The following AKAP19 variants were observed in gnomAD, a reference collection of about 807,000 sequenced individuals.
AKAP19 encodes small A-kinase anchoring protein.
chr2:190,081,692 C>T, the AKAP19 span, among the ~76,000 whole-genome samples: 2 of 152,096 alleles, frequency 1.3e-5, no homozygotes, highest in African/African-American at 2.4e-5. Context: ...GATGGAAGGG[C>T]GAGATGCCTG....
At chr2:190,181,516 G>C in the AKAP19 span, 1 of 152,212 alleles carries the variant, frequency 6.6e-6, no homozygotes, top group Non-Finnish European at 1.5e-5. Context: ...CTTTGGAGCT[G>C]TGGGAGGCTG....
At chr2:190,163,049 A>G in the AKAP19 span, among the ~76,000 whole-genome samples, 1 of 152,316 alleles carries the variant, frequency 6.6e-6, no homozygotes, top group East Asian at 1.9e-4. Flanking sequence ...GATCATCTTG[A>G]TGTAAACATT....
the AKAP19 span, among the ~76,000 whole-genome samples, chr2:190,047,049 C>T: frequency 6.6e-6 from 1 of 152,158 alleles, no homozygotes; most frequent in Non-Finnish European, 1.5e-5. Context: ...TTACTCCCTC[C>T]TTAACATGTT....
At chr2:189,974,648 C>A in the AKAP19 span, among the ~76,000 whole-genome samples, 1 of 152,138 alleles carries the variant, frequency 6.6e-6, no homozygotes, top group Non-Finnish European at 1.5e-5. Context: ...TAAGGACTTG[C>A]TTTATGAATC....
the AKAP19 span, chr2:190,201,832 T>C: frequency 3.6e-5 from 6 of 167,140 alleles, no homozygotes; most frequent in South Asian, 1.0e-3. Context: ...GGCAGAAAGT[T>C]TCCCATAAGT....
the AKAP19 span, among the ~76,000 whole-genome samples, chr2:190,069,168 G>GTGTGTGTGTC: frequency 6.9e-6 from 1 of 145,260 alleles, no homozygotes; most frequent in East Asian, 2.0e-4. Context: ...GTGTGTGTGT[G>GTGTGTGTGTC]TGTGTGTGAG....
the AKAP19 span, among the ~76,000 whole-genome samples, chr2:190,114,173 C>A: frequency 2.0e-5 from 3 of 152,148 alleles, no homozygotes. Context: ...TATCCATATA[C>A]CCCAAGTTCC....
At chr2:190,176,322 G>A in the AKAP19 span, among the ~76,000 whole-genome samples, 1 of 152,102 alleles carries the variant, frequency 6.6e-6, no homozygotes, top group African/African-American at 2.4e-5. This position sits in a 1 kb window ranked among gnomAD's most constrained non-coding sequence, Gnocchi z 4.7. Context: ...AATAGTTCAG[G>A]AAAAGTTTCA....
the AKAP19 span, among the ~76,000 whole-genome samples, chr2:190,194,194 C>T: frequency 1.3e-4 from 20 of 152,112 alleles, no homozygotes; most frequent in Non-Finnish European, 2.6e-4. Flanking sequence ...GTTCCATATG[C>T]ACTTGATAAG....
chr2:189,930,405 C>A, the AKAP19 span: 1 of 301,092 alleles, frequency 3.3e-6, no homozygotes, highest in East Asian at 9.5e-5. Flanking sequence ...GGGCTGGGCG[C>A]GGTGGCTTCA....
the AKAP19 span, among the ~76,000 whole-genome samples, chr2:190,059,642 G>A: frequency 6.6e-6 from 1 of 151,790 alleles, no homozygotes; most frequent in Non-Finnish European, 1.5e-5. Flanking sequence ...TTTATGCTAA[G>A]CCAAAAATCT....
chr2:190,096,991 T>A, the AKAP19 span, among the ~76,000 whole-genome samples: 3 of 152,214 alleles, frequency 2.0e-5, no homozygotes, highest in African/African-American at 7.2e-5. Flanking sequence ...GATTAAGTTT[T>A]AATGTGCATT....
the AKAP19 span, among the ~76,000 whole-genome samples, chr2:190,144,774 C>A: frequency 6.6e-6 from 1 of 151,892 alleles, no homozygotes; most frequent in Non-Finnish European, 1.5e-5. Context: ...GTCAGGAGTT[C>A]GAGACCAGCC....
chr2:190,063,533 A>T, the AKAP19 span, among the ~76,000 whole-genome samples: 3 of 152,148 alleles, frequency 2.0e-5, no homozygotes, highest in Non-Finnish European at 4.4e-5. Context: ...TGAATTTTAT[A>T]ACTGGCATGG....
chr2:190,014,950 G>A, the AKAP19 span, among the ~76,000 whole-genome samples: 1 of 152,180 alleles, frequency 6.6e-6, no homozygotes, highest in Non-Finnish European at 1.5e-5. Flanking sequence ...CAATGGGTGG[G>A]CTCCCATGGG....
At chr2:189,927,287 A>C in the AKAP19 span, among the ~76,000 whole-genome samples, 1 of 152,296 alleles carries the variant, frequency 6.6e-6, no homozygotes, top group South Asian at 2.1e-4. Context: ...GCTAACTATA[A>C]AAGTTTAGAA....
chr2:190,038,501 A>G, the AKAP19 span, among the ~76,000 whole-genome samples: 1 of 152,292 alleles, frequency 6.6e-6, no homozygotes, highest in East Asian at 1.9e-4. Context: ...GACTCTCCAC[A>G]TTACACTAGA....
chr2:190,001,242 C>G, the AKAP19 span, among the ~76,000 whole-genome samples: 1 of 152,136 alleles, frequency 6.6e-6, no homozygotes, highest in African/African-American at 2.4e-5. Flanking sequence ...ATTTTTTCTA[C>G]ATGGTTTCCC....
the AKAP19 span, among the ~76,000 whole-genome samples, chr2:190,154,756 T>C: frequency 6.6e-6 from 1 of 152,340 alleles, no homozygotes; most frequent in Middle Eastern, 3.4e-3. Context: ...GCAAGTTACC[T>C]GGCAGTCTAG....
Sources: allele counts gnomAD v4.1 joint callset (sites outside exome capture counted in the v4.1 genomes callset), GRCh38; gene constraint gnomAD v4.1.1; non-coding constraint Gnocchi (gnomAD v3.1); transcripts MANE v1.5; gene names NCBI Gene and HGNC (gene_info 2026-07-23, HGNC 2026-07-21).